The following EFL1 variants were observed in gnomAD, a reference collection of about 807,000 sequenced individuals.
EFL1 encodes the protein elongation factor like GTPase 1.
A neutral mutation model predicts 126.7 loss-of-function variants in EFL1; 76 were observed. That is an observed-to-expected ratio of 0.60 (90% CI 0.50 to 0.73). The LOEUF (loss-of-function observed/expected upper bound fraction) is 0.73, where lower values mean the gene tolerates loss of function less well. Among genes scored for constraint, EFL1 ranks in the 30% least tolerant of loss-of-function variants. The pLI, the probability that EFL1 is intolerant of heterozygous loss-of-function variation, is 0.00. For synonymous variants in EFL1, 410 were observed against 448.4 expected (o/e 0.91, Z 1.08); for missense variants, 1,128 against 1,343.2 (o/e 0.84, Z 2.50).
intron 15 of EFL1, among the ~76,000 whole-genome samples, chr15:82,191,230 A>G (rs1231040583): frequency 1.3e-5 from 2 of 152,076 alleles, no homozygotes; most frequent in Admixed American, 1.3e-4. Context: ...AATACAACAC[A>G]CCCTGAAATC....
At chr15:82,252,185 AT>A (rs2075028266) in intron 4 of EFL1, among the ~76,000 whole-genome samples, 2 of 152,088 alleles carry the variant, frequency 1.3e-5, no homozygotes, top group Admixed American at 6.6e-5. Flanking sequence ...GGTTGTTGTT[AT>A]TTTTTTCACG....
intron 7 of EFL1, among the ~76,000 whole-genome samples, chr15:82,234,406 A>G (rs969314067): frequency 6.6e-6 from 1 of 152,230 alleles, no homozygotes; most frequent in Non-Finnish European, 1.5e-5. Context: ...CCCATCAACC[A>G]TATATGAAAA....
In EFL1 at chr15:82,130,321, G is replaced by A; in HGVS notation, c.*52C>T. The A allele has an allele frequency of 1.3e-6, 2 of 1,578,830 alleles. No individual in the cohort carries two copies. Among genetic ancestry groups the A allele is most frequent in the African/African-American group, 1.4e-5 (1 of 73,802 alleles). ...GAAATTTTCCCAATATTAAACCCTT[G>A]ATGATACTTTTAAATTCACTATAAG... On this transcript the variant is annotated 3_prime_UTR_variant, in exon 20 of 20. Transcript: ENST00000268206.
chr15:82,132,378 C>G (rs139422763), intron 19 of EFL1, among the ~76,000 whole-genome samples: 1 of 152,078 alleles, frequency 6.6e-6, no homozygotes, highest in Non-Finnish European at 1.5e-5. Flanking sequence ...TGAGCCTACA[C>G]GTCTTTATCT....
intron 7 of EFL1, among the ~76,000 whole-genome samples, chr15:82,236,769 G>A (rs1443682515): frequency 1.3e-5 from 2 of 152,218 alleles, no homozygotes; most frequent in Non-Finnish European, 2.9e-5. Context: ...GCTAGGCAAA[G>A]AGTTCTTCAA....
rs2075140872 is a variant in EFL1 at position 82,262,691 on chromosome 15, T to C, written c.-97A>G. ...CGAGAGCTTCCGAAAGTCCGAGAGC[T>C]CTGCGGGTCCGACACGCCCGCGCGC... is the stretch of plus-strand genomic sequence containing the variant. On this transcript the variant is annotated 5_prime_UTR_variant, in exon 1 of 20. Coordinates refer to ENST00000268206, the MANE Select transcript of EFL1 (RefSeq NM_024580.6). 5 of 606,228 alleles carry C rather than the reference T, an allele frequency of 8.2e-6. No homozygotes were observed. The highest frequency in any genetic ancestry group is 1.9e-5 in the African/African-American group (1 of 51,558). 37.6% of individuals were successfully genotyped at this position (606,228 alleles called of 1,614,324 possible).
chr15:82,163,681 C>G (rs1274439351), intron 16 of EFL1, among the ~76,000 whole-genome samples, 172 bp downstream of exon 16: 1 of 152,170 alleles, frequency 6.6e-6, no homozygotes, highest in Non-Finnish European at 1.5e-5. Context: ...GTAACCATGG[C>G]ATGTTCCTAA....
intron 12 of EFL1, among the ~76,000 whole-genome samples, chr15:82,222,027 A>T (rs2651724): frequency 6.6e-6 from 1 of 152,230 alleles, no homozygotes; most frequent in East Asian, 1.9e-4. Context: ...AAAACTCATA[A>T]GAATATCTGA....
intron 4 of EFL1, among the ~76,000 whole-genome samples, chr15:82,248,277 A>T (rs1596008557): frequency 6.6e-6 from 1 of 152,088 alleles, no homozygotes; most frequent in East Asian, 1.9e-4. Flanking sequence ...CTTCAGTCAA[A>T]TGAGGGGTAA....
In EFL1 at chr15:82,151,359, G is replaced by A. The variant is rs1215954335; in HGVS notation, c.2989+106C>T. 2.7e-6 allele frequency: 3 copies of A among 1,122,828 alleles called. No homozygotes were observed. In the Admixed American group the frequency reaches 6.8e-5, roughly 25 times the overall value. The allele number at this position is 1,122,828 out of a possible 1,614,324, so 69.6% of individuals were successfully genotyped here. Reference sequence around the variant, plus strand: ...GCCGAGATTGTGCCACTGCACTCCAGCTGGGGCGACAGAATGAGACCCTGT... The same window carrying A: ...GCCGAGATTGTGCCACTGCACTCCAACTGGGGCGACAGAATGAGACCCTGT... On this transcript the variant is annotated intron_variant, in intron 18 of 19. Transcript: ENST00000268206.
chr15:82,210,626 C>G (rs2074573905), intron 15 of EFL1, among the ~76,000 whole-genome samples: 1 of 151,988 alleles, frequency 6.6e-6, no homozygotes, highest in Non-Finnish European at 1.5e-5. Context: ...CTTTGAGGGG[C>G]AGAAGCAGGC....
intron 7 of EFL1, among the ~76,000 whole-genome samples, chr15:82,234,645 C>T (rs1041061517): frequency 2.0e-5 from 3 of 152,088 alleles, no homozygotes; most frequent in East Asian, 3.8e-4. Flanking sequence ...TTTTAAAAAA[C>T]GGAGCCAGAG....
At chr15:82,140,899 T>G (rs542838061) in intron 18 of EFL1, among the ~76,000 whole-genome samples, 1 of 152,140 alleles carries the variant, frequency 6.6e-6, no homozygotes, top group African/African-American at 2.4e-5. Context: ...AAACTCATTT[T>G]CTCCCAGGGT....
intron 11 of EFL1, among the ~76,000 whole-genome samples, chr15:82,225,821 T>A (rs2074757288): frequency 6.6e-6 from 1 of 152,234 alleles, no homozygotes; most frequent in Admixed American, 6.5e-5. Context: ...CAAATTTTAA[T>A]GCAATTTCAT....
intron 4 of EFL1, among the ~76,000 whole-genome samples, chr15:82,251,457 G>C (rs1309283675): frequency 6.6e-6 from 1 of 152,144 alleles, no homozygotes; most frequent in Non-Finnish European, 1.5e-5. Flanking sequence ...AAAGTATAGA[G>C]CAGAACAACT....
At chr15:82,161,726 T>A (rs1454211087) in intron 16 of EFL1, among the ~76,000 whole-genome samples, 1 of 152,254 alleles carries the variant, frequency 6.6e-6, no homozygotes, top group Non-Finnish European at 1.5e-5. Flanking sequence ...CACTTTGGCC[T>A]ACAAATTGAT....
At chr15:82,220,719 C>T (rs1329988781) in intron 12 of EFL1, among the ~76,000 whole-genome samples, 1 of 148,398 alleles carries the variant, frequency 6.7e-6, no homozygotes, top group Non-Finnish European at 1.5e-5. Flanking sequence ...TAAGAAGTAC[C>T]ATCACAGAAA....
Position 82,151,992 on chromosome 15 carries a change from T to C in EFL1, c.2462A>G (p.Asp821Gly). The change falls in exon 18 of 20, where the codon GAC (aspartate) becomes GGC (glycine). Residue 821 changes from aspartate to glycine, a missense_variant. Around this residue, in one of 6 missense-constraint regions of EFL1, gnomAD observed 561 missense variants for 641.7 expected, o/e 0.87. Coordinates refer to ENST00000268206, the MANE Select transcript of EFL1 (RefSeq NM_024580.6). ...TCTTGGGCCAAATGACCAGATTTGGTCAACAATGTTCCTCCATCTTCTCCC... is the reference window on the plus strand; with the variant it reads ...TCTTGGGCCAAATGACCAGATTTGGCCAACAATGTTCCTCCATCTTCTCCC... ...LTGRRWRNIVDQIWSFGPRKC... is the reference protein window; with the variant it reads ...LTGRRWRNIVGQIWSFGPRKC... 6.2e-7 allele frequency: 1 copy of C among 1,614,146 alleles called. No homozygotes were observed. Among genetic ancestry groups the C allele is most frequent in the Non-Finnish European group, 8.5e-7 (1 of 1,180,034 alleles).
At chr15:82,171,033 C>T (rs2074130057) in intron 15 of EFL1, among the ~76,000 whole-genome samples, 1 of 152,128 alleles carries the variant, frequency 6.6e-6, no homozygotes, top group Non-Finnish European at 1.5e-5. Context: ...CTTTACACAA[C>T]CAGGAAATCA....
Sources: gnomAD v4.1 joint callset for allele counts (sites outside exome capture counted in the v4.1 genomes callset) on GRCh38, gnomAD v4.1.1 for gene constraint, gnomAD v4.1.1 regional missense constraint, MANE v1.5 for transcripts, NCBI Gene and HGNC (gene_info 2026-07-23, HGNC 2026-07-21) for gene names.